The following LIMS1 variants were observed in gnomAD, a reference collection of about 807,000 sequenced individuals.
The protein encoded by LIMS1 is LIM zinc finger domain containing 1.
LIMS1 carries 18 observed loss-of-function variants against 44.1 expected under a neutral mutation model. That is an observed-to-expected ratio of 0.41 (90% CI 0.28 to 0.61). The LOEUF (loss-of-function observed/expected upper bound fraction) is 0.61. LIMS1 is among the 20% of genes least tolerant of loss of function. The pLI, the probability that LIMS1 is intolerant of heterozygous loss-of-function variation, is 0.32. For synonymous variants in LIMS1, 93 were observed against 149.1 expected (o/e 0.62, Z 2.74); for missense variants, 201 against 422.0 (o/e 0.48, Z 4.59).
chr2:108,684,502 G>A (rs1055206069), exon 10 of LIMS1: 2 of 152,064 alleles, frequency 1.3e-5, no homozygotes, highest in Non-Finnish European at 2.9e-5. Context: ...TAGCTAGAAA[G>A]TGAATATGCA....
intron 1 of LIMS1, among the ~76,000 whole-genome samples, chr2:108,619,422 G>A (rs1293140030): frequency 2.0e-5 from 3 of 151,076 alleles, no homozygotes; most frequent in Admixed American, 6.6e-5. Context: ...GGTGGCACAC[G>A]CCTGTAATCC....
At chr2:108,654,154 A>C (rs983332812) in intron 1 of LIMS1, among the ~76,000 whole-genome samples, 1 of 151,756 alleles carries the variant, frequency 6.6e-6, no homozygotes, top group African/African-American at 2.4e-5. Flanking sequence ...AGTTTGCCTG[A>C]CGTAGTTTCC....
At chr2:108,680,173 A>G (rs1692861960) in intron 8 of LIMS1, among the ~76,000 whole-genome samples, 1 of 151,936 alleles carries the variant, frequency 6.6e-6, no homozygotes, top group Non-Finnish European at 1.5e-5. Flanking sequence ...GATTGAGACC[A>G]TCTTGGCCAA....
intron 1 of LIMS1, among the ~76,000 whole-genome samples, chr2:108,540,855 GT>G: frequency 6.6e-6 from 1 of 152,280 alleles, no homozygotes; most frequent in African/African-American, 2.4e-5. Flanking sequence ...GCTATATTAC[GT>G]TGGTTTGCTC....
intron 2 of LIMS1, among the ~76,000 whole-genome samples, chr2:108,667,705 A>C (rs1012270604): frequency 2.7e-4 from 41 of 151,760 alleles, no homozygotes; most frequent in African/African-American, 9.2e-4. Context: ...GTATCCACAG[A>C]GGATTGGTTC....
At chr2:108,621,818 G>T (rs1030675382) in intron 1 of LIMS1, among the ~76,000 whole-genome samples, 1 of 152,050 alleles carries the variant, frequency 6.6e-6, no homozygotes, top group African/African-American at 2.4e-5. Flanking sequence ...ACATGTTTTT[G>T]TCTGTGTTTT....
At chr2:108,545,265 A>G (rs1471722936) in intron 1 of LIMS1, among the ~76,000 whole-genome samples, 2 of 152,038 alleles carry the variant, frequency 1.3e-5, no homozygotes, top group African/African-American at 4.8e-5. Flanking sequence ...CATATATATA[A>G]TTTTGTTGCC....
chr2:108,620,591 G>A (rs902472180), intron 1 of LIMS1, among the ~76,000 whole-genome samples: 1 of 152,172 alleles, frequency 6.6e-6, no homozygotes, highest in Non-Finnish European at 1.5e-5. Context: ...GATAAATACA[G>A]GGTATATAGG....
intron 1 of LIMS1, among the ~76,000 whole-genome samples, chr2:108,619,055 C>G (rs1159075237): frequency 6.6e-6 from 1 of 152,066 alleles, no homozygotes; most frequent in African/African-American, 2.4e-5. Flanking sequence ...CGTCTAACCC[C>G]CTGCACATCC....
At chr2:108,615,099 TTGG>T (rs35484769) in intron 1 of LIMS1, among the ~76,000 whole-genome samples, 62,464 of 151,732 alleles carry the variant, frequency 0.41, 14,741 homozygotes, top group East Asian at 0.94. Context: ...GTATGTATAG[TTGG>T]TGGTCAGGCA....
intron 1 of LIMS1, among the ~76,000 whole-genome samples, chr2:108,619,205 G>A (rs1006034694): frequency 1.3e-5 from 2 of 152,088 alleles, no homozygotes; most frequent in Admixed American, 1.3e-4. Flanking sequence ...TTAAAAATAA[G>A]CAATTATTTA....
At chr2:108,608,274 TTG>T (rs1356857251) in intron 1 of LIMS1, among the ~76,000 whole-genome samples, 1 of 152,142 alleles carries the variant, frequency 6.6e-6, no homozygotes, top group African/African-American at 2.4e-5. Context: ...TGTATACTGT[TTG>T]TGTCACTGTG....
intron 1 of LIMS1, among the ~76,000 whole-genome samples, chr2:108,591,326 ATGATGCGGTGGGGCCTGAACC>A (rs2104685437): frequency 6.6e-6 from 1 of 152,254 alleles, no homozygotes; most frequent in East Asian, 1.9e-4. Flanking sequence ...GACTGAGCAA[ATGATGCGGTGGGGCCTGAACC>A]TGGGCGTTGT....
chr2:108,650,413 CTTTTT>C lies in LIMS1; in HGVS notation c.33-9180_33-9176del, dbSNP rs113015874. 1.0e-4 allele frequency among the ~76,000 whole-genome samples: 15 copies of C among 145,176 alleles called. No individual in the cohort carries two copies. In the South Asian group the frequency reaches 1.1e-3, roughly 10 times the overall value. On this transcript the variant is annotated intron_variant, in intron 1 of 9. Coordinates refer to ENST00000544547, the Ensembl canonical transcript of LIMS1. ...TGCCGCCTAAACTTTCTTTTCTTTT[CTTTTT>C]TTTTTTTTTTTCTTTCGAGACGGAG...
chr2:108,622,489 C>T, intron 1 of LIMS1, among the ~76,000 whole-genome samples: 1 of 152,116 alleles, frequency 6.6e-6, no homozygotes, highest in East Asian at 1.9e-4. Flanking sequence ...TGTTGACTCA[C>T]CAATTTTTGA....
At chr2:108,612,207 A>G (rs574822322) in intron 1 of LIMS1, among the ~76,000 whole-genome samples, 1 of 151,908 alleles carries the variant, frequency 6.6e-6, no homozygotes, top group Non-Finnish European at 1.5e-5. Flanking sequence ...TAGAATTAGA[A>G]TCACCTTCTT....
At chr2:108,577,684 A>G (rs1685719238) in intron 1 of LIMS1, among the ~76,000 whole-genome samples, 1 of 152,218 alleles carries the variant, frequency 6.6e-6, no homozygotes, top group Non-Finnish European at 1.5e-5. Flanking sequence ...AACAAACATG[A>G]ATCTATATTG....
At chr2:108,626,165 A>G (rs1416764740) in intron 1 of LIMS1, among the ~76,000 whole-genome samples, 2 of 152,210 alleles carry the variant, frequency 1.3e-5, no homozygotes, top group African/African-American at 2.4e-5. Context: ...CCTCTTTTGC[A>G]GTTTGCTGAT....
chr2:108,536,088 T>A (rs1361613348), intron 1 of LIMS1, among the ~76,000 whole-genome samples: 2 of 152,212 alleles, frequency 1.3e-5, no homozygotes. Flanking sequence ...ATAACGGATA[T>A]GTAGTGTAAT....
Sources: gnomAD v4.1 joint callset for allele counts (sites outside exome capture counted in the v4.1 genomes callset) on GRCh38, gnomAD v4.1.1 for gene constraint, MANE v1.5 for transcripts, NCBI Gene and HGNC (gene_info 2026-07-23, HGNC 2026-07-21) for gene names.